BRINP2: variants seen among roughly 807,000 people sequenced by gnomAD.
BRINP2 encodes BMP/retinoic acid-inducible neural-specific protein 2.
A neutral mutation model predicts 69.2 loss-of-function variants in BRINP2; 21 were observed. That is an observed-to-expected ratio of 0.30 (90% CI 0.22 to 0.44). BRINP2 has a LOEUF of 0.44. Ranked by LOEUF, BRINP2 falls within the 20% of genes least tolerant of loss-of-function variation. BRINP2 has a pLI of 1.00. For synonymous variants in BRINP2, 380 were observed against 394.1 expected (o/e 0.96, Z 0.42); for missense variants, 877 against 986.0 (o/e 0.89, Z 1.48).
chr1:177,249,580 G>A (rs967800534), intron 2 of BRINP2, among the ~76,000 whole-genome samples: 7 of 152,254 alleles, frequency 4.6e-5, no homozygotes, highest in Non-Finnish European at 7.4e-5. Context: ...AAATTGAAAT[G>A]GAGATTTACT....
intron 3 of BRINP2, chr1:177,256,709 C>T: frequency 9.3e-7 from 1 of 1,076,490 alleles, no homozygotes; most frequent in Non-Finnish European, 1.1e-6. Flanking sequence ...AGCTCACTGT[C>T]CAATCGACTA....
At chr1:177,197,455 A>G (rs1648779924) in intron 1 of BRINP2, among the ~76,000 whole-genome samples, 1 of 152,118 alleles carries the variant, frequency 6.6e-6, no homozygotes, top group South Asian at 2.1e-4. Context: ...TGGGGCACAG[A>G]CCCAAATCAT....
intron 2 of BRINP2, among the ~76,000 whole-genome samples, chr1:177,251,067 TAGAC>T (rs953829285): frequency 1.4e-4 from 22 of 152,216 alleles, no homozygotes; most frequent in Admixed American, 3.9e-4. Flanking sequence ...AAAGCTTCCT[TAGAC>T]AGTATCATTC....
At chr1:177,215,783 G>A (rs1164699687) in intron 1 of BRINP2, among the ~76,000 whole-genome samples, 1 of 152,028 alleles carries the variant, frequency 6.6e-6, no homozygotes, top group East Asian at 1.9e-4. Flanking sequence ...AATTTAGAGG[G>A]AAGAGTTTCA....
chr1:177,265,760 T>C (rs1328963370), intron 4 of BRINP2, among the ~76,000 whole-genome samples: 4 of 152,108 alleles, frequency 2.6e-5, no homozygotes, highest in Non-Finnish European at 4.4e-5. Flanking sequence ...AGAACCTCAG[T>C]TTACTCATCC....
At chr1:177,246,751 G>A (rs566988508) in intron 2 of BRINP2, among the ~76,000 whole-genome samples, 3 of 152,340 alleles carry the variant, frequency 2.0e-5, no homozygotes, top group Non-Finnish European at 4.4e-5. Context: ...TCTCAGGAAA[G>A]CACTACGCCA....
chr1:177,202,934 C>A (rs1171155828), intron 1 of BRINP2, among the ~76,000 whole-genome samples: 1 of 152,100 alleles, frequency 6.6e-6, no homozygotes, highest in Admixed American at 6.5e-5. Flanking sequence ...CCTCAGGGAT[C>A]TAGAACTAGA....
intron 1 of BRINP2, among the ~76,000 whole-genome samples, chr1:177,182,054 G>A (rs1009635085): frequency 6.6e-6 from 1 of 152,136 alleles, no homozygotes; most frequent in Admixed American, 6.5e-5. Context: ...AGGGACAGTT[G>A]CATTTGCAGA....
At chr1:177,211,250 A>G (rs1394380196) in intron 1 of BRINP2, among the ~76,000 whole-genome samples, 1 of 152,182 alleles carries the variant, frequency 6.6e-6, no homozygotes, top group Non-Finnish European at 1.5e-5. Context: ...TCAACTGTGT[A>G]AATATATATA....
chr1:177,231,281 T>C (rs1471205825), intron 2 of BRINP2, among the ~76,000 whole-genome samples: 1 of 152,126 alleles, frequency 6.6e-6, no homozygotes, highest in African/African-American at 2.4e-5. Context: ...ACAAAGCTAG[T>C]GAATAGTGGA....
chr1:177,208,950 G>A (rs756147717), intron 1 of BRINP2, among the ~76,000 whole-genome samples: 3 of 152,240 alleles, frequency 2.0e-5, no homozygotes, highest in Admixed American at 6.5e-5. Context: ...CTCTTGGGTC[G>A]TCTCTTGCCT....
intron 2 of BRINP2, among the ~76,000 whole-genome samples, chr1:177,241,350 A>C (rs1338105415): frequency 6.6e-6 from 1 of 152,142 alleles, no homozygotes; most frequent in Admixed American, 6.6e-5. Context: ...TTCTTCCCAT[A>C]ACCTTCCCTT....
In BRINP2 at chr1:177,276,328, C is replaced by A. The variant is rs1651493850; in HGVS notation, c.906C>A (p.Thr302=). 11 of 1,614,106 alleles carry A rather than the reference C, an allele frequency of 6.8e-6. No individual in the cohort carries two copies. Among genetic ancestry groups the A allele is most frequent in the Non-Finnish European group, 9.3e-6 (11 of 1,180,048 alleles). The change falls in exon 6 of 8, where the codon ACC becomes ACA. Residue 302 remains threonine (T), a synonymous_variant. Transcript: ENST00000361539. Reference sequence around the variant, plus strand: ...ACTGCTGGTGCAAGTGCAGCCCCACCTTCCCTGAATGCAACTGCCCTGATG... The same window carrying A: ...ACTGCTGGTGCAAGTGCAGCCCCACATTCCCTGAATGCAACTGCCCTGATG... The part of the protein sequence containing the change: ...ENDCWCKCSP[T]FPECNCPDAD...
At chr1:177,192,439 T>G (rs142438420) in intron 1 of BRINP2, among the ~76,000 whole-genome samples, 4 of 152,282 alleles carry the variant, frequency 2.6e-5, no homozygotes, top group African/African-American at 4.8e-5. Context: ...TACAGAAATA[T>G]AGGTGTGAGA....
At chr1:177,178,366 G>A (rs930834197) in intron 1 of BRINP2, among the ~76,000 whole-genome samples, 11 of 152,080 alleles carry the variant, frequency 7.2e-5, no homozygotes, top group Admixed American at 3.3e-4. Flanking sequence ...TCATGAGCTG[G>A]TCCAATAACC....
intron 2 of BRINP2, among the ~76,000 whole-genome samples, chr1:177,234,394 C>T (rs901571432): frequency 6.6e-6 from 1 of 152,220 alleles, no homozygotes; most frequent in African/African-American, 2.4e-5. Context: ...CGCACCTACT[C>T]AGGCACCTAA....
At chr1:177,266,845 C>T (rs1300739025) in intron 4 of BRINP2, among the ~76,000 whole-genome samples, 3 of 151,772 alleles carry the variant, frequency 2.0e-5, no homozygotes, top group African/African-American at 7.3e-5. Context: ...TCAAATGCCC[C>T]TTTAGGGTTT....
chr1:177,207,789 T>C (rs1649108867), intron 1 of BRINP2, among the ~76,000 whole-genome samples: 1 of 152,130 alleles, frequency 6.6e-6, no homozygotes, highest in African/African-American at 2.4e-5. Flanking sequence ...GGCTGGTTCC[T>C]GGGGCTGAGA....
At chr1:177,178,764 AGT>A (rs1430195783) in intron 1 of BRINP2, among the ~76,000 whole-genome samples, 1 of 152,152 alleles carries the variant, frequency 6.6e-6, no homozygotes, top group Non-Finnish European at 1.5e-5. Context: ...TATTATTAAG[AGT>A]GTGTAGTGCT....
Sources: gnomAD v4.1 joint callset for allele counts (sites outside exome capture counted in the v4.1 genomes callset) on GRCh38, gnomAD v4.1.1 for gene constraint, MANE v1.5 for transcripts, NCBI Gene and HGNC (gene_info 2026-07-23, HGNC 2026-07-21) for gene names.